DOK6: variants seen among roughly 807,000 people sequenced by gnomAD.
DOK6 encodes the protein docking protein 6, also known as downstream of tyrosine kinase 6.
DOK6 carries 22 observed loss-of-function variants against 44.0 expected under a neutral mutation model. The observed-to-expected ratio is 0.50, with a 90% CI of 0.36 to 0.71. The LOEUF (loss-of-function observed/expected upper bound fraction) is 0.71. Among genes scored for constraint, DOK6 ranks in the 30% least tolerant of loss-of-function variants. DOK6 has a pLI of 0.00. For missense variants in DOK6, 340 were observed against 416.4 expected, an observed-to-expected ratio of 0.82 and a Z score of 1.60; for synonymous variants, 166 against 145.5, an observed-to-expected ratio of 1.14 and a Z score of -1.01.
At position 69,631,864 on chromosome 18, in the gene DOK6, T is replaced by G. The variant is rs571434234; in HGVS notation, c.289+32366T>G. Among the ~76,000 whole-genome samples the G allele has an allele frequency of 2.6e-5, 4 of 152,352 alleles. No homozygotes were observed. In the South Asian group the frequency reaches 8.3e-4, roughly 32 times the overall value. ...ACCTGTTTCCTGAAAATACATTTGTTTATGTAAGCCTGCTTACTTTCATCT... is the reference window on the plus strand; with the variant it reads ...ACCTGTTTCCTGAAAATACATTTGTGTATGTAAGCCTGCTTACTTTCATCT... On this transcript the variant is annotated intron_variant, in intron 3 of 7. Transcript: ENST00000382713.
At chr18:69,592,016 C>T (rs959662297) in intron 2 of DOK6, among the ~76,000 whole-genome samples, 12 of 152,054 alleles carry the variant, frequency 7.9e-5, no homozygotes, top group Admixed American at 1.3e-4. Context: ...AATGCAAAAA[C>T]GTTGACACTC....
At chr18:69,652,296 C>T (rs1277947967) in intron 3 of DOK6, among the ~76,000 whole-genome samples, 1 of 152,172 alleles carries the variant, frequency 6.6e-6, no homozygotes, top group African/African-American at 2.4e-5. Flanking sequence ...CTAGAATCAA[C>T]TATTTTTAAT....
intron 4 of DOK6, among the ~76,000 whole-genome samples, chr18:69,682,576 T>C (rs887588174): frequency 6.6e-6 from 1 of 152,196 alleles, no homozygotes; most frequent in Non-Finnish European, 1.5e-5. Flanking sequence ...TGCAACACAA[T>C]TTGAGCCTTT....
At chr18:69,677,961 CA>C in intron 4 of DOK6, 108 bp downstream of exon 4, 1 of 1,436,984 alleles carries the variant, frequency 7.0e-7, no homozygotes, top group Non-Finnish European at 9.2e-7. Context: ...TTTTTTAAAT[CA>C]AAAAGGCCGA....
chr18:69,657,106 A>G (rs1985388016), intron 3 of DOK6, among the ~76,000 whole-genome samples: 1 of 152,234 alleles, frequency 6.6e-6, no homozygotes, highest in African/African-American at 2.4e-5. Flanking sequence ...GATATCTCCA[A>G]TTGAATTGAA....
At chr18:69,744,787 G>C (rs1474438244) in intron 6 of DOK6, among the ~76,000 whole-genome samples, 1 of 151,936 alleles carries the variant, frequency 6.6e-6, no homozygotes, top group Admixed American at 6.6e-5. Context: ...TTAGCTGGGC[G>C]TGGTGACGGG....
At chr18:69,785,049 G>A (rs1980389377) in intron 7 of DOK6, among the ~76,000 whole-genome samples, 1 of 152,086 alleles carries the variant, frequency 6.6e-6, no homozygotes, top group Admixed American at 6.5e-5. Flanking sequence ...TTGATGGGAT[G>A]GCAAATGACG....
intron 1 of DOK6, among the ~76,000 whole-genome samples, chr18:69,439,315 T>C (rs961017144): frequency 6.6e-6 from 1 of 152,042 alleles, no homozygotes; most frequent in Non-Finnish European, 1.5e-5. Context: ...GCCCTATGAA[T>C]TTTGGAATGG....
intron 6 of DOK6, among the ~76,000 whole-genome samples, chr18:69,755,658 C>A (rs1979331286): frequency 6.6e-6 from 1 of 152,234 alleles, no homozygotes; most frequent in Non-Finnish European, 1.5e-5. Context: ...GGATGATGGA[C>A]TTCCATCCAT....
intron 1 of DOK6, among the ~76,000 whole-genome samples, chr18:69,458,860 G>GAAAT (rs1281564136): frequency 6.6e-6 from 1 of 152,150 alleles, no homozygotes; most frequent in Non-Finnish European, 1.5e-5. Flanking sequence ...GGGCAGCCAG[G>GAAAT]GCGGGTGGAT....
intron 1 of DOK6, among the ~76,000 whole-genome samples, chr18:69,496,044 A>G (rs1055984378): frequency 2.0e-5 from 3 of 152,140 alleles, no homozygotes; most frequent in Non-Finnish European, 4.4e-5. Context: ...TGTGGCTTGT[A>G]TGGCTGTAGC....
intron 7 of DOK6, among the ~76,000 whole-genome samples, chr18:69,840,247 A>G (rs1982177190): frequency 2.0e-5 from 3 of 152,266 alleles, no homozygotes. Context: ...GATGACACAC[A>G]AATCAGACTC....
At chr18:69,490,707 A>C (rs1014760536) in intron 1 of DOK6, among the ~76,000 whole-genome samples, 4 of 152,200 alleles carry the variant, frequency 2.6e-5, no homozygotes, top group African/African-American at 4.8e-5. Flanking sequence ...CAAGCAAAAA[A>C]TATAAATATA....
intron 1 of DOK6, among the ~76,000 whole-genome samples, chr18:69,539,222 C>G (rs1982202430): frequency 6.6e-6 from 1 of 152,156 alleles, no homozygotes. Context: ...TCACATACCT[C>G]TGTCAAGCAT....
At position 69,619,832 on chromosome 18, in the gene DOK6, C is replaced by T. The variant is rs370714263; in HGVS notation, c.289+20334C>T. Among the ~76,000 whole-genome samples the T allele has an allele frequency of 7.5e-4, 114 of 152,112 alleles. No homozygotes were observed. In the South Asian group the frequency reaches 9.3e-3, roughly 12 times the overall value. On this transcript the variant is annotated intron_variant, in intron 3 of 7. Coordinates refer to ENST00000382713, the MANE Select transcript of DOK6 (RefSeq NM_152721.6). The stretch of plus-strand genomic sequence containing the variant: ...GTGAACATGTGTGTAAACATACACA[C>T]GCACACATATGTATACATATACACA...
At chr18:69,608,179 T>A (rs553391142) in intron 3 of DOK6, among the ~76,000 whole-genome samples, 1 of 152,342 alleles carries the variant, frequency 6.6e-6, no homozygotes, top group Admixed American at 6.5e-5. Context: ...TTTGATTTGA[T>A]GTTTGGATGT....
intron 1 of DOK6, among the ~76,000 whole-genome samples, chr18:69,523,781 G>C (rs144485697): frequency 2.6e-5 from 4 of 151,694 alleles, no homozygotes; most frequent in African/African-American, 9.7e-5. Flanking sequence ...ATATTGCTTT[G>C]TCAGCACCAA....
intron 1 of DOK6, among the ~76,000 whole-genome samples, chr18:69,540,731 C>G (rs117812332): frequency 1.3e-5 from 2 of 149,994 alleles, no homozygotes; most frequent in African/African-American, 5.1e-5. Context: ...TTTATTAACA[C>G]TTATCTTAGT....
At chr18:69,542,823 G>GCTT (rs1343524884) in intron 1 of DOK6, among the ~76,000 whole-genome samples, 32 of 151,572 alleles carry the variant, frequency 2.1e-4, no homozygotes, top group Admixed American at 2.1e-3. Flanking sequence ...GAGGTGAAAA[G>GCTT]CTTCTGTTCA....
Sources: allele counts gnomAD v4.1 joint callset (sites outside exome capture counted in the v4.1 genomes callset), GRCh38; gene constraint gnomAD v4.1.1; transcripts MANE v1.5; gene names NCBI Gene and HGNC (gene_info 2026-07-23, HGNC 2026-07-21).